PFKFB3: variants seen among roughly 807,000 people sequenced by gnomAD.
PFKFB3 encodes 6-phosphofructo-2-kinase/fructose-2,6-bisphosphatase 3.
Under a neutral mutation model 68.0 loss-of-function variants are expected in PFKFB3, and 33 were observed. The ratio of observed to expected loss-of-function variants is 0.49; its 90% confidence interval spans 0.37 to 0.65. The LOEUF is 0.65. PFKFB3 is among the 30% of genes least tolerant of loss of function. The probability of loss-of-function intolerance (pLI) is 0.00; values close to 1 mark genes in which losing one functional copy is unlikely to be tolerated. For synonymous variants in PFKFB3, 315 were observed against 288.2 expected, an observed-to-expected ratio of 1.09 and a Z score of -0.94; for missense variants, 586 against 712.2, an observed-to-expected ratio of 0.82 and a Z score of 2.02.
Position 6,226,378 on chromosome 10 carries a change from CCCTTT to C in PFKFB3, c.1515+18_1515+22del. ...GCTGCCTGGACAAGTCAGTGCACTC[CCCTTT>C]CCTTCCTGCCTGGGGGACGCATGCC... is the stretch of plus-strand genomic sequence containing the variant. On this transcript the variant is annotated intron_variant, in intron 14 of 14. Coordinates refer to ENST00000379775, the MANE Select transcript of PFKFB3 (RefSeq NM_004566.4). 6.3e-7 allele frequency: 1 copy of C among 1,590,604 alleles called. No individual in the cohort carries two copies. The highest frequency in any genetic ancestry group is 1.4e-5 in the African/African-American group (1 of 74,036).
chr10:6,148,397 A>C (rs1229698596), intron 1 of PFKFB3, among the ~76,000 whole-genome samples: 102 of 152,350 alleles, frequency 6.7e-4, no homozygotes, highest in African/African-American at 2.4e-3. Context: ...GGCAGGAACC[A>C]TATCAAGTGG....
chr10:6,269,653 A>G, the PFKFB3 span, among the ~76,000 whole-genome samples: 1 of 152,286 alleles, frequency 6.6e-6, no homozygotes, highest in African/African-American at 2.4e-5. Flanking sequence ...AAATTGGTTT[A>G]GTGTGTGGAG....
intron 1 of PFKFB3, among the ~76,000 whole-genome samples, chr10:6,167,100 G>A (rs556956245): frequency 6.7e-4 from 102 of 152,310 alleles, no homozygotes; most frequent in Admixed American, 1.0e-3. Context: ...GATTACAGGC[G>A]TGAGCCACCT....
rs1375785852 is a variant in PFKFB3 at position 6,229,451 on chromosome 10, T to C, written c.1515+3086T>C. 6.6e-6 allele frequency among the ~76,000 whole-genome samples: 1 copy of C among 152,198 alleles called. No individual in the cohort carries two copies. The highest frequency in any genetic ancestry group is 1.5e-5 in the Non-Finnish European group (1 of 68,024). On this transcript the variant is annotated intron_variant, in intron 14 of 14. Transcript: ENST00000379775. The surrounding 1 kb of genome is among the most constrained non-coding windows in gnomAD (Gnocchi z 4.3). ...GCTGGGTGCCCGTTCCCTGCTGCTG[T>C]CCTGAGGCCCCTGCCCTGTGACCCG...
chr10:6,176,174 T>C (rs1331110491), intron 1 of PFKFB3, among the ~76,000 whole-genome samples: 1 of 152,106 alleles, frequency 6.6e-6, no homozygotes, highest in African/African-American at 2.4e-5. Flanking sequence ...TGGAAGAATC[T>C]TATGGGGAAA....
intron 6 of PFKFB3, among the ~76,000 whole-genome samples, chr10:6,217,625 G>A (rs373070096): frequency 4.7e-4 from 71 of 152,242 alleles, no homozygotes; most frequent in Admixed American, 7.8e-4. Context: ...GCAGCCTCCT[G>A]AGTTTGGGAG....
At chr10:6,281,166 C>CATATATATATATATAT in the PFKFB3 span, among the ~76,000 whole-genome samples, 971 of 84,516 alleles carry the variant, frequency 0.011, 45 homozygotes, top group South Asian at 0.039. Flanking sequence ...AGTATTCCAT[C>CATATATATATATATAT]ATATATATAT....
downstream of PFKFB3, among the ~76,000 whole-genome samples, chr10:6,236,428 T>A (rs560267279): frequency 1.3e-5 from 2 of 152,312 alleles, no homozygotes; most frequent in African/African-American, 4.8e-5. Flanking sequence ...TTGGTCTGAT[T>A]TTTTTTCCGG....
chr10:6,249,208 AGAAAAG>A (rs1846325356), intron 14 of PFKFB3, among the ~76,000 whole-genome samples: 1 of 151,338 alleles, frequency 6.6e-6, no homozygotes, highest in Admixed American at 6.6e-5. Context: ...AAAAAAGAAA[AGAAAAG>A]GAAACCCTTG....
At chr10:6,305,757 C>A in the PFKFB3 span, among the ~76,000 whole-genome samples, 2 of 152,290 alleles carry the variant, frequency 1.3e-5, no homozygotes, top group South Asian at 4.1e-4. Context: ...GGTTGAAGCA[C>A]CTTAATCTCT....
At chr10:6,302,504 C>T in the PFKFB3 span, among the ~76,000 whole-genome samples, 2 of 149,416 alleles carry the variant, frequency 1.3e-5, no homozygotes, top group Non-Finnish European at 3.0e-5. Flanking sequence ...GCCTCAGCCT[C>T]CCAAGTAGCT....
At chr10:6,249,779 G>T (rs1000836212) in intron 14 of PFKFB3, among the ~76,000 whole-genome samples, 2 of 152,042 alleles carry the variant, frequency 1.3e-5, no homozygotes, top group Non-Finnish European at 2.9e-5. Context: ...GTACAGCATG[G>T]TGACTATAGA....
At chr10:6,292,502 G>A in the PFKFB3 span, among the ~76,000 whole-genome samples, 6 of 150,804 alleles carry the variant, frequency 4.0e-5, no homozygotes, top group Non-Finnish European at 7.4e-5. Context: ...TACTAGCCAG[G>A]ATGGTCTCGA....
At chr10:6,231,134 C>G (rs1845712301) in intron 14 of PFKFB3, 2 of 725,176 alleles carry the variant, frequency 2.8e-6, no homozygotes, top group South Asian at 3.2e-5. Flanking sequence ...ATCGAGAGAT[C>G]ACCTGGCATT....
chr10:6,230,818 C>A (rs371931522), intron 14 of PFKFB3, among the ~76,000 whole-genome samples: 4 of 151,616 alleles, frequency 2.6e-5, no homozygotes, highest in Non-Finnish European at 5.9e-5. Flanking sequence ...CGGGTTCAAG[C>A]GATTCTCCTG....
At chr10:6,166,829 T>C (rs1037105887) in intron 1 of PFKFB3, among the ~76,000 whole-genome samples, 21 of 147,218 alleles carry the variant, frequency 1.4e-4, no homozygotes, top group African/African-American at 4.9e-4. Flanking sequence ...TTCTTTTTTT[T>C]TTTTTTTTTT....
At chr10:6,188,002 CATATATAT>C (rs35827719) in intron 1 of PFKFB3, among the ~76,000 whole-genome samples, 3 of 148,132 alleles carry the variant, frequency 2.0e-5, no homozygotes, top group African/African-American at 7.8e-5. Context: ...TACCTACCTA[CATATATAT>C]ATATATATAT....
chr10:6,177,383 T>C (rs918016981), intron 1 of PFKFB3, among the ~76,000 whole-genome samples: 52 of 113,358 alleles, frequency 4.6e-4, no homozygotes, highest in African/African-American at 1.4e-3. Flanking sequence ...TTTCTTTCTT[T>C]CTTTCTTTCT....
downstream of PFKFB3, among the ~76,000 whole-genome samples, chr10:6,254,808 CTTTTTTTTT>C (rs144888417): frequency 8.1e-4 from 50 of 61,634 alleles, no homozygotes; most frequent in African/African-American, 3.1e-3. Context: ...TTTTTCTGTT[CTTTTTTTTT>C]TTTTTTTTTT....
Sources: allele counts gnomAD v4.1 joint callset (sites outside exome capture counted in the v4.1 genomes callset), GRCh38; gene constraint gnomAD v4.1.1; non-coding constraint Gnocchi (gnomAD v3.1); transcripts MANE v1.5; gene names NCBI Gene and HGNC (gene_info 2026-07-23, HGNC 2026-07-21).